ARMH3: variants seen among roughly 807,000 people sequenced by gnomAD.
ARMH3 encodes the protein armadillo-like helical domain-containing protein 3.
A neutral mutation model predicts 99.1 loss-of-function variants in ARMH3; 60 were observed. The ratio of observed to expected loss-of-function variants is 0.61; its 90% CI spans 0.49 to 0.75. The LOEUF (loss-of-function observed/expected upper bound fraction) is 0.75, where lower values mean the gene tolerates loss of function less well. ARMH3 is among the 30% of genes least tolerant of loss of function. The pLI, the probability that ARMH3 is intolerant of heterozygous loss-of-function variation, is 0.00. For synonymous variants in ARMH3, 285 were observed against 292.8 expected, an observed-to-expected ratio of 0.97 and a Z score of 0.27; for missense variants, 679 against 843.1, an observed-to-expected ratio of 0.81 and a Z score of 2.41.
rs540124097 is a variant in ARMH3, at chr10:101,892,922, C to T, written c.1782-3432G>A. On this transcript the variant is annotated intron_variant, in intron 23 of 25. Coordinates refer to ENST00000370033, the MANE Select transcript of ARMH3 (RefSeq NM_024541.3). ...GACAACTTATTTTTCCAGAAACTAC[C>T]AAGAGAGCTGGAGATAATATCTGCA... 7.2e-5 allele frequency among the ~76,000 whole-genome samples: 11 copies of T among 152,238 alleles called. No individual in the cohort carries two copies. In the South Asian group the frequency reaches 2.3e-3, roughly 32 times the overall value.
chr10:101,864,104 C>CAT (rs2066941768), intron 24 of ARMH3, among the ~76,000 whole-genome samples: 2 of 146,442 alleles, frequency 1.4e-5, no homozygotes, highest in Non-Finnish European at 1.5e-5. Context: ...CACACACACA[C>CAT]ACAAAAACCA....
intron 2 of ARMH3, among the ~76,000 whole-genome samples, chr10:102,038,549 C>T (rs1232189504): frequency 6.6e-6 from 1 of 152,094 alleles, no homozygotes; most frequent in African/African-American, 2.4e-5. Flanking sequence ...TTAGCCATGG[C>T]TTTGGAATCA....
At chr10:101,954,550 T>C (rs1844942332) in intron 22 of ARMH3, among the ~76,000 whole-genome samples, 1 of 152,202 alleles carries the variant, frequency 6.6e-6, no homozygotes, top group South Asian at 2.1e-4. Context: ...TGACCTCATA[T>C]GAAATTTTTT....
At position 101,848,987 on chromosome 10, in the gene ARMH3, T is replaced by C. The variant is rs2135249001; in HGVS notation, c.1977+789A>G. Among the ~76,000 whole-genome samples the C allele has an allele frequency of 1.3e-5, 2 of 152,350 alleles. 1 individual carries two copies. The highest frequency in any genetic ancestry group is 4.1e-4 in the South Asian group (2 of 4,830). ...GTCAGGATCAGAGTTGGGCTGTGTT[T>C]AGCACAAGACAAACGATCTAATACG... is the stretch of plus-strand genomic sequence containing the variant. On this transcript the variant is annotated intron_variant, in intron 25 of 25. Transcript: ENST00000370033.
chr10:101,854,283 T>A (rs2066680103), intron 24 of ARMH3, among the ~76,000 whole-genome samples: 1 of 152,102 alleles, frequency 6.6e-6, no homozygotes, highest in Non-Finnish European at 1.5e-5. Context: ...TAAAATGACA[T>A]GGGAATAAAA....
intron 8 of ARMH3, among the ~76,000 whole-genome samples, chr10:102,014,884 A>G (rs963578331): frequency 2.6e-5 from 4 of 152,176 alleles, no homozygotes; most frequent in African/African-American, 9.7e-5. Context: ...TCAGGCACCA[A>G]TTCTAATCCA....
intron 14 of ARMH3, among the ~76,000 whole-genome samples, chr10:102,002,548 G>T (rs1246997230): frequency 6.6e-6 from 1 of 152,026 alleles, no homozygotes; most frequent in Non-Finnish European, 1.5e-5. Flanking sequence ...CTTTAGGCTG[G>T]ACGTACCCAT....
intron 13 of ARMH3, 100 bp from the exon 14 acceptor site, chr10:102,006,733 A>T: frequency 9.8e-6 from 9 of 920,868 alleles, no homozygotes; most frequent in South Asian, 3.8e-5. Context: ...GGACCTTATA[A>T]TTTTTTTTTT....
intron 23 of ARMH3, among the ~76,000 whole-genome samples, chr10:101,901,889 A>T (rs745958291): frequency 6.6e-5 from 10 of 152,246 alleles, no homozygotes; most frequent in Non-Finnish European, 1.3e-4. Context: ...CTCTCTGAAA[A>T]GGGAAGAAGT....
At chr10:101,937,738 T>G (rs1204943080) in intron 23 of ARMH3, among the ~76,000 whole-genome samples, 4 of 152,016 alleles carry the variant, frequency 2.6e-5, no homozygotes, top group Non-Finnish European at 5.9e-5. Flanking sequence ...ATTTAATAAG[T>G]GAGAATAGAT....
intron 21 of ARMH3, 136 bp from the exon 22 acceptor site, chr10:101,956,859 T>C: frequency 1.4e-6 from 1 of 713,816 alleles, no homozygotes; most frequent in East Asian, 3.3e-5. Context: ...AAGCCAGTTG[T>C]TAAACACAGC....
chr10:101,873,601 C>A (rs927484170), intron 24 of ARMH3, among the ~76,000 whole-genome samples: 13 of 152,132 alleles, frequency 8.5e-5, no homozygotes, highest in African/African-American at 3.1e-4. Flanking sequence ...ACACTTTTAT[C>A]AACCCAAAAA....
chr10:101,955,646 T>C (rs889431285), intron 22 of ARMH3, among the ~76,000 whole-genome samples: 1 of 152,080 alleles, frequency 6.6e-6, no homozygotes, highest in Non-Finnish European at 1.5e-5. Flanking sequence ...CAAGGAGAGG[T>C]TGGGATTTTC....
intron 22 of ARMH3, among the ~76,000 whole-genome samples, chr10:101,941,316 A>G (rs374394497): frequency 9.2e-5 from 14 of 152,332 alleles, no homozygotes; most frequent in East Asian, 7.7e-4. Flanking sequence ...CACATAGTAA[A>G]TAAGTTTTAG....
intron 1 of ARMH3, among the ~76,000 whole-genome samples, chr10:102,051,022 C>T (rs991016727): frequency 1.3e-5 from 2 of 151,736 alleles, no homozygotes; most frequent in African/African-American, 4.8e-5. Flanking sequence ...GGCATGGTGG[C>T]AAGCACCTGT....
intron 23 of ARMH3, among the ~76,000 whole-genome samples, chr10:101,903,804 G>A (rs2068036031): frequency 6.6e-6 from 1 of 152,154 alleles, no homozygotes. Flanking sequence ...GGGGAAGCAG[G>A]ACAACTTTTG....
rs1845256123 is a variant in ARMH3, at chr10:101,960,706, T to C, written c.1496-2974A>G. 2.0e-5 allele frequency among the ~76,000 whole-genome samples: 3 copies of C among 151,854 alleles called. 1 individual carries two copies. Among genetic ancestry groups the C allele is most frequent in the African/African-American group, 4.8e-5 (2 of 41,326 alleles). On this transcript the variant is annotated intron_variant, in intron 20 of 25. Coordinates refer to ENST00000370033, the MANE Select transcript of ARMH3 (RefSeq NM_024541.3). Reference sequence around the variant, plus strand: ...GAGTTCGAGACCAGCCCGGCCAAGATGGTGAAACCCCGTCTCTACTAAAAA... The same window carrying C: ...GAGTTCGAGACCAGCCCGGCCAAGACGGTGAAACCCCGTCTCTACTAAAAA...
At chr10:101,964,222 C>T (rs1845438808) in intron 20 of ARMH3, among the ~76,000 whole-genome samples, 1 of 152,090 alleles carries the variant, frequency 6.6e-6, no homozygotes, top group Admixed American at 6.6e-5. Context: ...GTTGGCCAGG[C>T]TGGTCTCAAA....
At chr10:101,856,841 C>T (rs907805461) in intron 24 of ARMH3, among the ~76,000 whole-genome samples, 2 of 152,148 alleles carry the variant, frequency 1.3e-5, no homozygotes, top group African/African-American at 4.8e-5. Flanking sequence ...CCAGACACTG[C>T]CCTTGCTTCT....
Sources: allele counts gnomAD v4.1 joint callset (sites outside exome capture counted in the v4.1 genomes callset), GRCh38; gene constraint gnomAD v4.1.1; transcripts MANE v1.5; gene names NCBI Gene and HGNC (gene_info 2026-07-23, HGNC 2026-07-21).